The following MAGI2 variants were observed in gnomAD, a reference collection of about 807,000 sequenced individuals.
MAGI2 encodes membrane associated guanylate kinase, WW and PDZ domain containing 2, also known as membrane-associated guanylate kinase, WW and PDZ domain-containing protein 2.
Under a neutral mutation model 133.3 loss-of-function variants are expected in MAGI2, and 35 were observed. That is an observed-to-expected ratio of 0.26 (90% CI 0.20 to 0.35). The LOEUF is 0.35. Among genes scored for constraint, MAGI2 ranks in the 10% least tolerant of loss-of-function variants. The pLI, the probability that MAGI2 is intolerant of heterozygous loss-of-function variation, is 1.00. For missense variants in MAGI2, 1,636 were observed against 1,863.4 expected, an observed-to-expected ratio of 0.88 and a Z score of 2.25; for synonymous variants, 729 against 710.6, an observed-to-expected ratio of 1.03 and a Z score of -0.41.
At chr7:78,296,074 G>A (rs1405265204) in intron 9 of MAGI2, among the ~76,000 whole-genome samples, 1 of 152,072 alleles carries the variant, frequency 6.6e-6, no homozygotes, top group African/African-American at 2.4e-5. Context: ...TACTCTAATA[G>A]CTTCCTAACT....
chr7:78,117,931 C>G (rs530126773), intron 20 of MAGI2, among the ~76,000 whole-genome samples: 94 of 152,144 alleles, frequency 6.2e-4, no homozygotes, highest in Admixed American at 3.3e-3. Flanking sequence ...AGTTGGAAGA[C>G]TGACACTACT....
chr7:79,450,782 T>C (rs184313157), intron 1 of MAGI2, among the ~76,000 whole-genome samples: 1 of 152,326 alleles, frequency 6.6e-6, no homozygotes, highest in Non-Finnish European at 1.5e-5. Context: ...ATCCCTGGCA[T>C]ATGGTCATTT....
chr7:79,183,049 T>A (rs146231207), intron 1 of MAGI2, among the ~76,000 whole-genome samples: 1 of 151,872 alleles, frequency 6.6e-6, no homozygotes, highest in African/African-American at 2.4e-5. Flanking sequence ...GAAAGGTGTA[T>A]GGGAGGCAGA....
intron 11 of MAGI2, among the ~76,000 whole-genome samples, chr7:78,196,614 A>T (rs1828761213): frequency 6.6e-6 from 1 of 151,822 alleles, no homozygotes; most frequent in African/African-American, 2.4e-5. Context: ...GGTGCCATAT[A>T]CTCCAGTGTT....
chr7:78,246,576 A>AAAGTC (rs1412792740), intron 10 of MAGI2, among the ~76,000 whole-genome samples: 1 of 152,060 alleles, frequency 6.6e-6, no homozygotes, highest in Non-Finnish European at 1.5e-5. Flanking sequence ...ACTGGGGAGT[A>AAAGTC]AAGTCATCTC....
chr7:78,797,555 T>C (rs1787719170), intron 2 of MAGI2, among the ~76,000 whole-genome samples: 1 of 152,154 alleles, frequency 6.6e-6, no homozygotes, highest in Non-Finnish European at 1.5e-5. Flanking sequence ...AATTGGAACA[T>C]TATGTCAGTA....
chr7:78,178,105 G>A lies in MAGI2; in HGVS notation c.2312-3C>T. 6.3e-7 allele frequency: 1 copy of A among 1,599,112 alleles called. No homozygotes were observed. The highest frequency in any genetic ancestry group is 8.6e-7 in the Non-Finnish European group (1 of 1,166,812). On this transcript the variant is annotated splice_polypyrimidine_tract_variant and splice_region_variant and intron_variant, in intron 13 of 21. Transcript: ENST00000354212. ...ATCCAATTCCTTATAATCTGGACCT[G>A]GCATAAAGGAGATCCCATTGAGTAA... is the stretch of plus-strand genomic sequence containing the variant.
At chr7:78,100,771 T>C (rs1406679029) in intron 20 of MAGI2, among the ~76,000 whole-genome samples, 1 of 152,228 alleles carries the variant, frequency 6.6e-6, no homozygotes, top group Non-Finnish European at 1.5e-5. Context: ...TTGTCTCTGT[T>C]TGCAGATGAC....
At chr7:79,263,965 CA>C (rs1477374834) in intron 1 of MAGI2, among the ~76,000 whole-genome samples, 2 of 152,080 alleles carry the variant, frequency 1.3e-5, no homozygotes, top group Admixed American at 1.3e-4. Context: ...CAATCTCAAA[CA>C]AAATTTTACT....
intron 1 of MAGI2, among the ~76,000 whole-genome samples, chr7:79,107,477 T>C (rs2129543678): frequency 6.6e-6 from 1 of 152,334 alleles, no homozygotes; most frequent in Middle Eastern, 3.4e-3. Context: ...TCTTGTGACA[T>C]TCTAAGCAAA....
At chr7:78,903,438 G>A (rs1338613987) in intron 2 of MAGI2, among the ~76,000 whole-genome samples, 2 of 151,530 alleles carry the variant, frequency 1.3e-5, no homozygotes, top group Non-Finnish European at 2.9e-5. Context: ...CTCGTGATCC[G>A]CCCGCCTCGG....
intron 2 of MAGI2, among the ~76,000 whole-genome samples, chr7:78,928,240 A>T (rs918574438): frequency 6.6e-6 from 1 of 151,988 alleles, no homozygotes; most frequent in Non-Finnish European, 1.5e-5. Flanking sequence ...AAGAAAAATT[A>T]CTTAAGTGTA....
chr7:78,864,263 G>T (rs1794376717), intron 2 of MAGI2, among the ~76,000 whole-genome samples: 1 of 152,132 alleles, frequency 6.6e-6, no homozygotes, highest in South Asian at 2.1e-4. Flanking sequence ...ATATCTAAAT[G>T]GTTTAATGTG....
chr7:78,201,829 C>A (rs1415679052), intron 10 of MAGI2, among the ~76,000 whole-genome samples: 1 of 152,042 alleles, frequency 6.6e-6, no homozygotes, highest in African/African-American at 2.4e-5. Flanking sequence ...ATCATGGAAG[C>A]CTTTTTTACC....
At chr7:78,978,751 C>T (rs1002832832) in intron 2 of MAGI2, among the ~76,000 whole-genome samples, 2 of 151,662 alleles carry the variant, frequency 1.3e-5, no homozygotes, top group Admixed American at 6.6e-5. Context: ...GAAGAGATGG[C>T]GTGGGGTCGG....
chr7:78,401,470 CCT>C (rs1284196858), intron 6 of MAGI2, among the ~76,000 whole-genome samples: 5 of 148,356 alleles, frequency 3.4e-5, no homozygotes, highest in African/African-American at 1.0e-4. Flanking sequence ...TCTCTCTCCC[CCT>C]CTCTCTCTCA....
At chr7:78,314,588 T>A (rs1787212805) in intron 9 of MAGI2, among the ~76,000 whole-genome samples, 1 of 152,146 alleles carries the variant, frequency 6.6e-6, no homozygotes, top group South Asian at 2.1e-4. Context: ...TAGTAACAGT[T>A]TAAGAGTGTT....
intron 2 of MAGI2, among the ~76,000 whole-genome samples, 195 bp from the exon 3 acceptor site, chr7:78,627,434 A>G (rs1349927427): frequency 1.3e-5 from 2 of 152,198 alleles, no homozygotes; most frequent in Admixed American, 6.5e-5. Flanking sequence ...TGTACAAAGC[A>G]CTTTTCTTCA....
intron 6 of MAGI2, among the ~76,000 whole-genome samples, chr7:78,469,870 C>A (rs1257561393): frequency 1.3e-5 from 2 of 152,138 alleles, no homozygotes; most frequent in Non-Finnish European, 2.9e-5. Flanking sequence ...GAAAGGAAAT[C>A]CTTTCTTTAT....
Sources: allele counts gnomAD v4.1 joint callset (sites outside exome capture counted in the v4.1 genomes callset), GRCh38; gene constraint gnomAD v4.1.1; transcripts MANE v1.5; gene names NCBI Gene and HGNC (gene_info 2026-07-23, HGNC 2026-07-21).